Variants in CDH7 observed in about 807,000 individuals in gnomAD.
CDH7 encodes the protein cadherin 7.
In CDH7, 25 loss-of-function variants were observed where a neutral mutation model predicts 71.8. That is an observed-to-expected ratio of 0.35 (90% CI 0.25 to 0.49). The LOEUF (loss-of-function observed/expected upper bound fraction) is 0.49, where lower values mean the gene tolerates loss of function less well. Ranked by LOEUF, CDH7 falls within the 20% of genes least tolerant of loss-of-function variation. The pLI, the probability that CDH7 is intolerant of heterozygous loss-of-function variation, is 0.99. For synonymous variants in CDH7, 381 were observed against 363.8 expected, an observed-to-expected ratio of 1.05 and a Z score of -0.54; for missense variants, 862 against 974.6, an observed-to-expected ratio of 0.88 and a Z score of 1.54.
intron 6 of CDH7, among the ~76,000 whole-genome samples, chr18:65,835,080 T>A (rs997805897): frequency 3.3e-5 from 5 of 152,166 alleles, no homozygotes; most frequent in African/African-American, 1.2e-4. Flanking sequence ...GGTGGCTGGC[T>A]GTCTGCCTGG....
chr18:65,855,587 A>C (rs974187876), intron 7 of CDH7, among the ~76,000 whole-genome samples: 16 of 152,188 alleles, frequency 1.1e-4, no homozygotes, highest in African/African-American at 3.9e-4. Flanking sequence ...ATAACTATTA[A>C]ATTATAATTT....
chr18:65,782,149 T>TCTTTCTTTCTTC (rs1910320767), intron 2 of CDH7, among the ~76,000 whole-genome samples: 2 of 113,972 alleles, frequency 1.8e-5, no homozygotes, highest in Non-Finnish European at 3.3e-5. Context: ...TTTCTTTCTT[T>TCTTTCTTTCTTC]CTTTCTTTCT....
At chr18:65,845,096 C>G (rs1040280078) in intron 7 of CDH7, among the ~76,000 whole-genome samples, 1 of 150,306 alleles carries the variant, frequency 6.7e-6, no homozygotes, top group Non-Finnish European at 1.5e-5. Context: ...TTTTAAAAAG[C>G]CGATAATGTT....
intron 1 of CDH7, among the ~76,000 whole-genome samples, chr18:65,752,455 A>G (rs1568167157): frequency 6.6e-6 from 1 of 152,156 alleles, no homozygotes; most frequent in Non-Finnish European, 1.5e-5. Context: ...AAGAGCTAAG[A>G]AAAAAAATTA....
chr18:65,755,867 ACAGTGGATGAATCAG>A (rs1916014071), intron 1 of CDH7, among the ~76,000 whole-genome samples: 1 of 152,212 alleles, frequency 6.6e-6, no homozygotes, highest in Non-Finnish European at 1.5e-5. Flanking sequence ...TTCAGAGAAG[ACAGTGGATGAATCAG>A]CAGGCAGTCT....
chr18:65,823,165 T>C (rs77690056), intron 5 of CDH7, among the ~76,000 whole-genome samples: 2,432 of 151,960 alleles, frequency 0.016, 53 homozygotes, highest in African/African-American at 0.055. Context: ...GACTGCTGCT[T>C]TAAAATTTTC....
At chr18:65,811,983 T>G (rs538511425) in intron 3 of CDH7, among the ~76,000 whole-genome samples, 12 of 144,912 alleles carry the variant, frequency 8.3e-5, no homozygotes, top group African/African-American at 2.6e-4. Flanking sequence ...TTTTTTTTTT[T>G]TTGCGAGATG....
chr18:65,772,824 C>T (rs1213363443), intron 2 of CDH7, among the ~76,000 whole-genome samples: 2 of 152,012 alleles, frequency 1.3e-5, no homozygotes, highest in South Asian at 4.1e-4. Flanking sequence ...AAAATACATA[C>T]GAGTGAGTGT....
At chr18:65,836,047 T>C (rs1417271666) in intron 6 of CDH7, among the ~76,000 whole-genome samples, 1 of 152,054 alleles carries the variant, frequency 6.6e-6, no homozygotes, top group Admixed American at 6.6e-5. Context: ...ACTTTGAAGA[T>C]GGAGGAGGAG....
intron 2 of CDH7, among the ~76,000 whole-genome samples, chr18:65,785,553 C>G (rs887505557): frequency 9.3e-5 from 14 of 150,634 alleles, no homozygotes; most frequent in African/African-American, 3.4e-4. Context: ...CTGCCCAATG[C>G]AGTAGATATT....
intron 6 of CDH7, among the ~76,000 whole-genome samples, chr18:65,837,418 CAG>C (rs548372460): frequency 6.2e-4 from 95 of 152,196 alleles, no homozygotes; most frequent in African/African-American, 1.7e-3. Context: ...ATCATCATGA[CAG>C]GGGATAGTTT....
At position 65,862,737 on chromosome 18, in the gene CDH7, A is replaced by G. The variant is rs114816705; in HGVS notation, c.1684A>G (p.Ile562Val). The change falls in exon 11 of 12, where the codon ATT (isoleucine) becomes GTT (valine). Residue 562 changes from isoleucine to valine, a missense_variant. By Grantham distance (29) the Ile-to-Val change is conservative. Transcript: ENST00000397968. ...RQEQSVYYLPIFIVDSGSPSL... is the reference protein window; with the variant it reads ...RQEQSVYYLPVFIVDSGSPSL... ...GGAACAATCAGTTTACTATCTGCCA[A>G]TTTTCATTGTGGACAGTGGATCTCC... 56 of 1,614,104 alleles carry G rather than the reference A, an allele frequency of 3.5e-5. No homozygotes were observed. Among genetic ancestry groups the G allele is most frequent in the East Asian group, 1.1e-4 (5 of 44,854 alleles).
At chr18:65,774,568 A>C (rs1909865716) in intron 2 of CDH7, among the ~76,000 whole-genome samples, 1 of 151,954 alleles carries the variant, frequency 6.6e-6, no homozygotes, top group African/African-American at 2.4e-5. Context: ...GGGGCCTGAC[A>C]CTTCATTTTC....
At chr18:65,766,161 T>G (rs1458621139) in intron 2 of CDH7, among the ~76,000 whole-genome samples, 1 of 152,088 alleles carries the variant, frequency 6.6e-6, no homozygotes, top group Non-Finnish European at 1.5e-5. Flanking sequence ...CTTTTAGAAA[T>G]TATTTATATA....
chr18:65,822,363 C>A, intron 5 of CDH7, 115 bp downstream of exon 5: 1 of 767,598 alleles, frequency 1.3e-6, no homozygotes, highest in Non-Finnish European at 2.0e-6. Flanking sequence ...TGTCTTACTT[C>A]ATTCTCTCAA....
At chr18:65,831,554 A>G (rs1912349790) in intron 6 of CDH7, among the ~76,000 whole-genome samples, 1 of 152,278 alleles carries the variant, frequency 6.6e-6, no homozygotes, top group Middle Eastern at 3.4e-3. Flanking sequence ...CTAACAGTTT[A>G]CTGTTTGTGG....
At chr18:65,756,808 A>G (rs1305683514) in intron 1 of CDH7, among the ~76,000 whole-genome samples, 1 of 152,264 alleles carries the variant, frequency 6.6e-6, no homozygotes, top group Non-Finnish European at 1.5e-5. Context: ...ATCATAGCAC[A>G]TATTATTTCT....
At chr18:65,771,981 A>G (rs1463286234) in intron 2 of CDH7, among the ~76,000 whole-genome samples, 1 of 152,148 alleles carries the variant, frequency 6.6e-6, no homozygotes, top group Non-Finnish European at 1.5e-5. Context: ...CCAGAACCAA[A>G]ATGATTAACA....
intron 2 of CDH7, among the ~76,000 whole-genome samples, chr18:65,797,422 G>A (rs1248103210): frequency 6.6e-6 from 1 of 152,156 alleles, no homozygotes; most frequent in African/African-American, 2.4e-5. Flanking sequence ...TTGGTGTGCA[G>A]GAAAGCAGGG....
Sources: allele counts gnomAD v4.1 joint callset (sites outside exome capture counted in the v4.1 genomes callset), GRCh38; gene constraint gnomAD v4.1.1; transcripts MANE v1.5; gene names NCBI Gene and HGNC (gene_info 2026-07-23, HGNC 2026-07-21).